The following STARD13 variants were observed in gnomAD, a reference collection of about 807,000 sequenced individuals.
STARD13 encodes the protein stAR-related lipid transfer protein 13.
In STARD13, 62 loss-of-function variants were observed where a neutral mutation model predicts 106.4. The ratio of observed to expected loss-of-function variants is 0.58; its 90% CI spans 0.48 to 0.72. STARD13 has a LOEUF of 0.72. Among genes scored for constraint, STARD13 ranks in the 30% least tolerant of loss-of-function variants. The pLI, the probability that STARD13 is intolerant of heterozygous loss-of-function variation, is 0.00. For synonymous variants in STARD13, 565 were observed against 553.0 expected, an observed-to-expected ratio of 1.02 and a Z score of -0.31; for missense variants, 1,387 against 1,424.0, an observed-to-expected ratio of 0.97 and a Z score of 0.42.
At chr13:33,344,984 A>T (rs78291368), downstream of STARD13, among the ~76,000 whole-genome samples, 3,236 of 152,356 alleles carry the variant, frequency 0.021, 102 homozygotes, top group African/African-American at 0.071. Flanking sequence ...GCTAACGGGT[A>T]TGCTTCTGCC....
the STARD13 span, among the ~76,000 whole-genome samples, chr13:33,485,328 A>G: frequency 1.3e-5 from 2 of 152,236 alleles, no homozygotes; most frequent in Non-Finnish European, 2.9e-5. Context: ...AGTTTAAAGT[A>G]TAAAACATTT....
the STARD13 span, among the ~76,000 whole-genome samples, chr13:33,453,363 T>C: frequency 6.6e-6 from 1 of 152,032 alleles, no homozygotes; most frequent in Non-Finnish European, 1.5e-5. Context: ...CCCTGGAAAA[T>C]GTCAGATGTT....
At chr13:33,521,636 G>T in the STARD13 span, among the ~76,000 whole-genome samples, 1 of 152,112 alleles carries the variant, frequency 6.6e-6, no homozygotes, top group African/African-American at 2.4e-5. Context: ...AGGATAAGTA[G>T]ATGTCAGTAT....
intron 3 of STARD13, among the ~76,000 whole-genome samples, chr13:33,143,819 G>C (rs1477412038): frequency 6.6e-6 from 1 of 152,144 alleles, no homozygotes; most frequent in Non-Finnish European, 1.5e-5. Context: ...CCAAAGTGCT[G>C]GGATTACAGG....
chr13:33,327,341 T>C (rs939283754), intron 1 of STARD13, among the ~76,000 whole-genome samples: 7 of 152,176 alleles, frequency 4.6e-5, no homozygotes, highest in Non-Finnish European at 1.0e-4. Context: ...ATTATTATAT[T>C]TGGTAATTTT....
chr13:33,295,630 T>G (rs1187826863), intron 1 of STARD13, among the ~76,000 whole-genome samples: 2 of 151,928 alleles, frequency 1.3e-5, no homozygotes, highest in African/African-American at 4.8e-5. Context: ...TAATTTATCA[T>G]GACAAAAGAG....
intron 1 of STARD13, among the ~76,000 whole-genome samples, chr13:33,262,857 T>A (rs1369324410): frequency 1.3e-5 from 2 of 152,122 alleles, no homozygotes. Context: ...TCCCAGTGAC[T>A]TCTGCTTATT....
chr13:33,415,486 T>C, the STARD13 span, among the ~76,000 whole-genome samples: 1 of 152,214 alleles, frequency 6.6e-6, no homozygotes, highest in Non-Finnish European at 1.5e-5. Context: ...GTTTTACTGG[T>C]TTCTACAAGT....
At chr13:33,506,419 C>A in the STARD13 span, among the ~76,000 whole-genome samples, 7 of 152,102 alleles carry the variant, frequency 4.6e-5, no homozygotes, top group Non-Finnish European at 1.0e-4. Context: ...TTCTTGTCAA[C>A]AACATAACTC....
Position 33,192,689 on chromosome 13 carries a change from G to A in STARD13, c.170-25067C>T, listed in dbSNP as rs113240602. On this transcript the variant is annotated intron_variant, in intron 1 of 13. Transcript: ENST00000336934. The stretch of plus-strand genomic sequence containing the variant: ...CAAGGTGGGCGGATCACCTGAGGTC[G>A]GGAGTTCAAGACCAACCTGACTAAA... Among the ~76,000 whole-genome samples the A allele has an allele frequency of 8.5e-3, 1,294 of 152,134 alleles. 17 individuals are homozygous for A. The highest frequency in any genetic ancestry group is 0.03 in the African/African-American group (1,226 of 41,498).
At chr13:33,109,359 A>G (rs1566528024) in intron 12 of STARD13, among the ~76,000 whole-genome samples, 2 of 152,168 alleles carry the variant, frequency 1.3e-5, no homozygotes, top group Non-Finnish European at 2.9e-5. Flanking sequence ...CAGACACAGA[A>G]TCAACAAGAT....
chr13:33,237,445 AATTT>A (rs1275649982), intron 1 of STARD13, among the ~76,000 whole-genome samples: 1 of 152,166 alleles, frequency 6.6e-6, no homozygotes, highest in African/African-American at 2.4e-5. Context: ...AACGAGCCTC[AATTT>A]ATAACATCTT....
At chr13:33,670,820 G>A in the STARD13 span, among the ~76,000 whole-genome samples, 1 of 152,100 alleles carries the variant, frequency 6.6e-6, no homozygotes, top group African/African-American at 2.4e-5. Context: ...CATTAGCTAG[G>A]CCCATATTTC....
chr13:33,576,210 A>G, the STARD13 span, among the ~76,000 whole-genome samples: 3 of 152,068 alleles, frequency 2.0e-5, no homozygotes, highest in African/African-American at 4.8e-5. Context: ...AAATATTTTT[A>G]AAATTACTGT....
chr13:33,141,047 C>T (rs978706600), intron 4 of STARD13, among the ~76,000 whole-genome samples: 72 of 151,930 alleles, frequency 4.7e-4, no homozygotes, highest in African/African-American at 1.6e-3. Flanking sequence ...TGTGAGCCAC[C>T]GCAACTGGCC....
the STARD13 span, among the ~76,000 whole-genome samples, chr13:33,662,037 C>A: frequency 2.6e-5 from 4 of 151,772 alleles, no homozygotes; most frequent in Admixed American, 6.6e-5. Flanking sequence ...CCGAGGTGGG[C>A]GGATCACGAG....
the STARD13 span, among the ~76,000 whole-genome samples, chr13:33,398,872 A>G: frequency 6.6e-6 from 1 of 152,228 alleles, no homozygotes; most frequent in Non-Finnish European, 1.5e-5. Context: ...TAATGACTAC[A>G]TAACTCACAA....
chr13:33,220,687 A>C (rs1386063490), intron 1 of STARD13, among the ~76,000 whole-genome samples: 1 of 151,924 alleles, frequency 6.6e-6, no homozygotes, highest in Non-Finnish European at 1.5e-5. Flanking sequence ...GCAAGATTCC[A>C]TCTCAAAAAA....
Position 33,105,003 on chromosome 13 carries a change from G to T in STARD13, c.*590C>A, listed in dbSNP as rs1034275225. The stretch of plus-strand genomic sequence containing the variant: ...CGTTAACACATAAGTCTCCTTTAAT[G>T]TTATTTTCCTTTGGTTAACTCATCT... On this transcript the variant is annotated 3_prime_UTR_variant, in exon 14 of 14. Coordinates refer to ENST00000336934, the MANE Select transcript of STARD13 (RefSeq NM_178006.4). The T allele has an allele frequency of 2.0e-5, 3 of 152,756 alleles. No individual in the cohort carries two copies. Among genetic ancestry groups the T allele is most frequent in the Non-Finnish European group, 4.4e-5 (3 of 68,060 alleles). The allele number at this position is 152,756 out of a possible 1,614,324, so 9.5% of individuals were successfully genotyped here.
Sources: gnomAD v4.1 joint callset for allele counts (sites outside exome capture counted in the v4.1 genomes callset) on GRCh38, gnomAD v4.1.1 for gene constraint, MANE v1.5 for transcripts, NCBI Gene and HGNC (gene_info 2026-07-23, HGNC 2026-07-21) for gene names.